NDST4: variants seen among roughly 807,000 people sequenced by gnomAD.
The protein encoded by NDST4 is N-deacetylase and N-sulfotransferase 4, also known as N-heparan sulfate sulfotransferase 4.
NDST4 carries 63 observed loss-of-function variants against 100.8 expected under a neutral mutation model. The ratio of observed to expected loss-of-function variants is 0.62; its 90% confidence interval spans 0.51 to 0.77. NDST4 has a LOEUF of 0.77. Ranked by LOEUF, NDST4 falls within the 30% of genes least tolerant of loss-of-function variation. The probability of loss-of-function intolerance (pLI) is 0.00; values close to 1 mark genes in which losing one functional copy is unlikely to be tolerated. For missense variants in NDST4, 943 were observed against 1,018.4 expected, an observed-to-expected ratio of 0.93 and a Z score of 1.01; for synonymous variants, 377 against 361.8, an observed-to-expected ratio of 1.04 and a Z score of -0.48.
chr4:115,091,809 T>A lies in NDST4; in HGVS notation c.-246-14527A>T, dbSNP rs185490675. The stretch of plus-strand genomic sequence containing the variant: ...CACATATATATAATAGATTTTATTT[T>A]TATTCATGTTTTGAAATCCTTTCCA... On this transcript the variant is annotated intron_variant, in intron 1 of 13. Transcript: ENST00000264363. Among the ~76,000 whole-genome samples the A allele has an allele frequency of 1.2e-4, 19 of 152,264 alleles. No individual in the cohort carries two copies. In the East Asian group the frequency reaches 3.5e-3, roughly 28 times the overall value.
intron 1 of NDST4, among the ~76,000 whole-genome samples, chr4:115,085,187 C>A (rs1729386213): frequency 6.6e-6 from 1 of 152,114 alleles, no homozygotes; most frequent in East Asian, 1.9e-4. Context: ...TTTCGTGGGG[C>A]CTGTAGCCTC....
chr4:114,847,194 G>T (rs1158171511), intron 9 of NDST4, among the ~76,000 whole-genome samples: 2 of 133,362 alleles, frequency 1.5e-5, no homozygotes, highest in Non-Finnish European at 3.0e-5. Context: ...GGCTAAAACG[G>T]TGAAACCCCG....
intron 2 of NDST4, among the ~76,000 whole-genome samples, chr4:115,016,457 T>G (rs906957304): frequency 6.6e-6 from 1 of 152,114 alleles, no homozygotes; most frequent in Non-Finnish European, 1.5e-5. Flanking sequence ...TATAATTTTA[T>G]GTGTTGCTGA....
chr4:115,065,887 T>G (rs1384899344), intron 2 of NDST4, among the ~76,000 whole-genome samples: 1 of 152,170 alleles, frequency 6.6e-6, no homozygotes, highest in East Asian at 1.9e-4. Context: ...TTCTCAAAAA[T>G]GTCCTGATAT....
At chr4:115,037,351 A>G (rs1316945931) in intron 2 of NDST4, among the ~76,000 whole-genome samples, 1 of 152,102 alleles carries the variant, frequency 6.6e-6, no homozygotes, top group East Asian at 1.9e-4. Context: ...GAAGATTGCT[A>G]CTTTGAGTTG....
At chr4:114,988,987 GTCTC>G (rs1726977500) in intron 2 of NDST4, among the ~76,000 whole-genome samples, 1 of 152,138 alleles carries the variant, frequency 6.6e-6, no homozygotes. Flanking sequence ...CTTGTGGAAA[GTCTC>G]TCCCTCTGAC....
chr4:114,896,671 A>G (rs1202174116), intron 6 of NDST4, among the ~76,000 whole-genome samples: 1 of 152,118 alleles, frequency 6.6e-6, no homozygotes, highest in Non-Finnish European at 1.5e-5. Flanking sequence ...GCATTTTAGA[A>G]GAACACATAT....
rs1578408471 is a variant in NDST4 at position 114,949,682 on chromosome 4, C to T, written c.1222-12179G>A. ...CAATATCTAGCCTCCTTTTATGAAG[C>T]TTTCCTGGAAGCCCCATACTATAAG... On this transcript the variant is annotated intron_variant, in intron 4 of 13. Transcript: ENST00000264363. Among the ~76,000 whole-genome samples the T allele has an allele frequency of 2.6e-5, 4 of 152,062 alleles. No individual in the cohort carries two copies. In the South Asian group the frequency reaches 6.2e-4, roughly 24 times the overall value.
chr4:114,947,118 C>T (rs1725883762), intron 4 of NDST4, among the ~76,000 whole-genome samples: 2 of 152,036 alleles, frequency 1.3e-5, no homozygotes, highest in African/African-American at 4.8e-5. Context: ...AATGTCTGGG[C>T]AGCATAGAAG....
chr4:114,893,371 AG>A, intron 6 of NDST4, among the ~76,000 whole-genome samples: 1 of 152,300 alleles, frequency 6.6e-6, no homozygotes, highest in African/African-American at 2.4e-5. Flanking sequence ...ACAGTGTAAA[AG>A]CATTCCTATT....
intron 6 of NDST4, among the ~76,000 whole-genome samples, chr4:114,886,596 T>A (rs1724483402): frequency 6.6e-6 from 1 of 152,100 alleles, no homozygotes; most frequent in Non-Finnish European, 1.5e-5. Flanking sequence ...ATTTTCTAAT[T>A]TGTGAAATAC....
chr4:115,012,573 G>T (rs114660318), intron 2 of NDST4, among the ~76,000 whole-genome samples: 1 of 152,018 alleles, frequency 6.6e-6, no homozygotes, highest in Non-Finnish European at 1.5e-5. Context: ...ATAAAGGTTT[G>T]ATTTAAATGT....
At chr4:115,107,227 C>A (rs1729850213) in intron 1 of NDST4, among the ~76,000 whole-genome samples, 1 of 151,972 alleles carries the variant, frequency 6.6e-6, no homozygotes, top group African/African-American at 2.4e-5. Flanking sequence ...ATTTAAAAAC[C>A]AGTAATTTGA....
At chr4:115,045,995 T>C (rs1054093677) in intron 2 of NDST4, among the ~76,000 whole-genome samples, 2 of 152,144 alleles carry the variant, frequency 1.3e-5, no homozygotes, top group East Asian at 1.9e-4. Flanking sequence ...TCACCAATTG[T>C]GGAAGTTTTT....
chr4:115,078,071 C>CA (rs890778414), intron 1 of NDST4, among the ~76,000 whole-genome samples: 9 of 151,516 alleles, frequency 5.9e-5, no homozygotes, highest in East Asian at 3.9e-4. Flanking sequence ...TCCTTTAGTT[C>CA]AAAAAAAATG....
At chr4:114,900,032 T>G (rs1051090477) in intron 6 of NDST4, among the ~76,000 whole-genome samples, 1 of 152,130 alleles carries the variant, frequency 6.6e-6, no homozygotes, top group Non-Finnish European at 1.5e-5. Context: ...CTAATAAGAT[T>G]GTTTACTTCT....
intron 6 of NDST4, among the ~76,000 whole-genome samples, chr4:114,922,528 T>C (rs1334067414): frequency 1.3e-5 from 2 of 152,198 alleles, no homozygotes; most frequent in Admixed American, 1.3e-4. Flanking sequence ...TGCTTGGCCC[T>C]CTTCCAAGTG....
intron 6 of NDST4, among the ~76,000 whole-genome samples, chr4:114,922,329 G>A (rs1455988128): frequency 6.6e-6 from 1 of 152,096 alleles, no homozygotes; most frequent in African/African-American, 2.4e-5. Flanking sequence ...AACACCTCAA[G>A]TGAGCATGCA....
chr4:114,833,522 T>A, intron 12 of NDST4, 84 bp downstream of exon 12: 1 of 818,696 alleles, frequency 1.2e-6, no homozygotes, highest in Non-Finnish European at 2.1e-6. Flanking sequence ...CTAGCTAGTA[T>A]TAATGATGTT....
Sources: allele counts gnomAD v4.1 joint callset (sites outside exome capture counted in the v4.1 genomes callset), GRCh38; gene constraint gnomAD v4.1.1; transcripts MANE v1.5; gene names NCBI Gene and HGNC (gene_info 2026-07-23, HGNC 2026-07-21).